Variants in ALKBH3 observed in about 807,000 individuals in gnomAD.
ALKBH3 encodes alkB homolog 3, alpha-ketoglutarate dependent dioxygenase, also known as alpha-ketoglutarate-dependent dioxygenase alkB homolog 3.
A neutral mutation model predicts 43.9 loss-of-function variants in ALKBH3; 51 were observed. The ratio of observed to expected loss-of-function variants is 1.16; its 90% CI spans 0.93 to 1.47. The LOEUF (loss-of-function observed/expected upper bound fraction) is 1.47. ALKBH3 is among the 40% of genes most tolerant of loss of function. The probability of loss-of-function intolerance (pLI) is 0.00; values close to 1 mark genes in which losing one functional copy is unlikely to be tolerated. For synonymous variants in ALKBH3, 102 were observed against 115.2 expected (o/e 0.89, Z 0.73); for missense variants, 361 against 351.9 (o/e 1.03, Z -0.21).
Position 43,883,103 on chromosome 11 carries a change from A to G in ALKBH3, c.98A>G (p.His33Arg), listed in dbSNP as rs763684096. The G allele has an allele frequency of 8.7e-6, 14 of 1,613,996 alleles. No individual in the cohort carries two copies. In the South Asian group the frequency reaches 9.9e-5, roughly 11 times the overall value. Residue 33 changes from histidine to arginine, a missense_variant, in exon 3 of 10, where the codon CAT (histidine) becomes CGT (arginine). By Grantham distance (29) the His-to-Arg change is conservative. Coordinates refer to ENST00000302708, the MANE Select transcript of ALKBH3 (RefSeq NM_139178.4). ...IAQPATTAKS[H>R]LHQKPGQTWK... Reference sequence around the variant, plus strand: ...GCTTCAGCTACCACTGCTAAGAGCCATCTCCACCAGAAGCCTGGCCAGACC... The same window carrying G: ...GCTTCAGCTACCACTGCTAAGAGCCGTCTCCACCAGAAGCCTGGCCAGACC...
chr11:43,884,025 AT>A lies in ALKBH3; in HGVS notation c.218+11del. ...TGAGCCACGAGTGATTGAGTAAGTAATTTGCTGTCTTCCTGTAATTGTTGCC... is the reference window on the plus strand; with the variant it reads ...TGAGCCACGAGTGATTGAGTAAGTAATTGCTGTCTTCCTGTAATTGTTGCC... On this transcript the variant is annotated intron_variant, in intron 4 of 9. Transcript: ENST00000302708. 6.2e-7 allele frequency: 1 copy of A among 1,613,834 alleles called. No individual in the cohort carries two copies. Among genetic ancestry groups the A allele is most frequent in the Non-Finnish European group, 8.5e-7 (1 of 1,179,898 alleles).
At chr11:43,894,055 G>A (rs187599601) in intron 7 of ALKBH3, among the ~76,000 whole-genome samples, 15 of 152,308 alleles carry the variant, frequency 9.8e-5, no homozygotes, top group Admixed American at 6.5e-5. Flanking sequence ...GTATATATAT[G>A]TTGGGAGTAC....
chr11:43,913,810 TG>T (rs1411122208), intron 8 of ALKBH3, among the ~76,000 whole-genome samples: 1 of 152,246 alleles, frequency 6.6e-6, no homozygotes, highest in Admixed American at 6.5e-5. Context: ...TGGGCAACCC[TG>T]GAGCTGAATC....
chr11:43,903,571 C>T (rs1303419939), intron 8 of ALKBH3, among the ~76,000 whole-genome samples: 1 of 152,116 alleles, frequency 6.6e-6, no homozygotes, highest in Admixed American at 6.5e-5. Context: ...GCTAGCACTG[C>T]GCCTTCCTCC....
At chr11:43,898,485 CGGCTT>C (rs1171229718) in intron 7 of ALKBH3, 1 of 949,296 alleles carries the variant, frequency 1.1e-6, no homozygotes, top group Non-Finnish European at 1.7e-6. Flanking sequence ...TGGACACCAA[CGGCTT>C]GGTGAGAGCA....
chr11:43,898,967 T>G, intron 7 of ALKBH3: 1 of 751,910 alleles, frequency 1.3e-6, no homozygotes, highest in Non-Finnish European at 2.5e-6. Flanking sequence ...AGCTGGAGAA[T>G]GAAGACCTCA....
At chr11:43,913,053 A>G (rs910200106) in intron 8 of ALKBH3, among the ~76,000 whole-genome samples, 4 of 151,644 alleles carry the variant, frequency 2.6e-5, no homozygotes, top group African/African-American at 4.9e-5. Context: ...ATATTGATCA[A>G]TTCTTTATGA....
chr11:43,898,130 T>C (rs2135188699), intron 7 of ALKBH3: 5 of 1,156,090 alleles, frequency 4.3e-6, no homozygotes, highest in Non-Finnish European at 6.5e-6. Flanking sequence ...GTGGTGGGCA[T>C]CCCTGATAAC....
chr11:43,896,156 G>T (rs1468706117), intron 7 of ALKBH3, among the ~76,000 whole-genome samples: 1 of 152,040 alleles, frequency 6.6e-6, no homozygotes, highest in Non-Finnish European at 1.5e-5. Flanking sequence ...CAATGGACAA[G>T]ATTTTTTTTA....
chr11:43,910,853 G>A (rs1951932964), intron 8 of ALKBH3, among the ~76,000 whole-genome samples: 1 of 151,842 alleles, frequency 6.6e-6, no homozygotes, highest in African/African-American at 2.4e-5. Flanking sequence ...TTACCCAGAT[G>A]TCAGGTATTA....
intron 1 of ALKBH3, among the ~76,000 whole-genome samples, chr11:43,882,263 G>C (rs1565121396): frequency 6.6e-6 from 1 of 152,212 alleles, no homozygotes; most frequent in Non-Finnish European, 1.5e-5. Context: ...AATGGGAATA[G>C]TACAGTTTCC....
intron 4 of ALKBH3, among the ~76,000 whole-genome samples, chr11:43,885,283 T>C (rs1951739483): frequency 6.6e-6 from 1 of 152,208 alleles, no homozygotes; most frequent in African/African-American, 2.4e-5. Context: ...GGAAATGTCT[T>C]CCATATTTAA....
intron 6 of ALKBH3, among the ~76,000 whole-genome samples, chr11:43,890,521 A>C (rs1254178040): frequency 3.9e-5 from 6 of 152,090 alleles, no homozygotes; most frequent in Non-Finnish European, 8.8e-5. Flanking sequence ...TCCACAGGGG[A>C]TTGTTCCCTG....
intron 7 of ALKBH3, among the ~76,000 whole-genome samples, chr11:43,895,529 G>A (rs1951812734): frequency 6.6e-6 from 1 of 152,156 alleles, no homozygotes; most frequent in South Asian, 2.1e-4. Flanking sequence ...CCAGTCTTGG[G>A]TATGTCTTTA....
chr11:43,919,252 G>A, intron 9 of ALKBH3, 116 bp downstream of exon 9: 1 of 845,610 alleles, frequency 1.2e-6, no homozygotes, highest in Admixed American at 2.0e-5. Context: ...CGAGCAAGAG[G>A]GAATGAGCTG....
In ALKBH3 at chr11:43,901,594, C is replaced by G; in HGVS notation, c.538C>G (p.Leu180Val). The G allele has an allele frequency of 6.2e-7, 1 of 1,614,260 alleles. No homozygotes were observed. Among genetic ancestry groups the G allele is most frequent in the South Asian group, 1.1e-5 (1 of 91,088 alleles). ...GHTFNSLLCN[L>V]YRNEKDSVDW... ...CACCTTCAACTCCTTACTCTGCAAT[C>G]TTTATCGCAATGAGAAGGACAGCGT... Residue 180 changes from leucine (L) to valine (V), a missense_variant, in exon 8 of 10, where the codon CTT (leucine) becomes GTT (valine). Transcript: ENST00000302708.
chr11:43,902,124 G>A (rs2135193373), intron 8 of ALKBH3, among the ~76,000 whole-genome samples: 1 of 152,328 alleles, frequency 6.6e-6, no homozygotes, highest in East Asian at 1.9e-4. Context: ...GGAGGCTAAG[G>A]AGGACGTCCC....
chr11:43,898,637 T>C lies in ALKBH3; in HGVS notation c.460-2879T>C, dbSNP rs970326788. On this transcript the variant is annotated intron_variant, in intron 7 of 9. Coordinates refer to ENST00000302708, the MANE Select transcript of ALKBH3 (RefSeq NM_139178.4). ...CTGGCGGACTTGGAAGGGGTGAACA[T>C]GCGCCACTTATGGAGACCTGATGTC... The C allele has an allele frequency of 1.2e-5, 9 of 732,860 alleles. No homozygotes were observed. The African/African-American group carries it at 1.6e-4, about 13-fold the overall frequency. The allele number at this position is 732,860 out of a possible 1,614,324, so 45.4% of individuals were successfully genotyped here.
intron 3 of ALKBH3, 56 bp downstream of exon 3, chr11:43,883,244 T>G: frequency 7.0e-6 from 9 of 1,278,854 alleles, no homozygotes; most frequent in Non-Finnish European, 1.0e-5. Context: ...AAAAGTGATA[T>G]TCACACAGTA....
Sources: gnomAD v4.1 joint callset for allele counts (sites outside exome capture counted in the v4.1 genomes callset) on GRCh38, gnomAD v4.1.1 for gene constraint, MANE v1.5 for transcripts, NCBI Gene and HGNC (gene_info 2026-07-23, HGNC 2026-07-21) for gene names.